Variants in SPTBN1 observed in about 807,000 individuals in gnomAD.
SPTBN1 encodes the protein spectrin beta, non-erythrocytic 1.
SPTBN1 carries 32 observed loss-of-function variants against 266.4 expected under a neutral mutation model. That is an observed-to-expected ratio of 0.12 (90% CI 0.09 to 0.16). The LOEUF is 0.16. SPTBN1 is among the 10% of genes least tolerant of loss of function. The pLI, the probability that SPTBN1 is intolerant of heterozygous loss-of-function variation, is 1.00. For missense variants in SPTBN1, 2,296 were observed against 3,067.1 expected (o/e 0.75, Z 5.94); for synonymous variants, 1,336 against 1,162.2 (o/e 1.15, Z -3.04).
intron 2 of SPTBN1, among the ~76,000 whole-genome samples, chr2:54,532,164 C>T (rs111604131): frequency 6.6e-6 from 1 of 152,002 alleles, no homozygotes; most frequent in Non-Finnish European, 1.5e-5. Context: ...TGGCGGGCGC[C>T]TATAATCCCA....
chr2:54,585,519 C>T (rs1675232529), intron 2 of SPTBN1, among the ~76,000 whole-genome samples: 1 of 152,156 alleles, frequency 6.6e-6, no homozygotes, highest in African/African-American at 2.4e-5. Flanking sequence ...TCTTGTATAA[C>T]CATTTTATGT....
At chr2:54,541,291 TG>T (rs1391729805) in intron 2 of SPTBN1, among the ~76,000 whole-genome samples, 1 of 152,246 alleles carries the variant, frequency 6.6e-6, no homozygotes, top group African/African-American at 2.4e-5. Context: ...GCATTTGCCC[TG>T]GGCCCCTATA....
intron 31 of SPTBN1, 29 bp from the exon 32 acceptor site, chr2:54,659,907 C>T (rs778484232): frequency 6.8e-6 from 11 of 1,608,132 alleles, no homozygotes; most frequent in Non-Finnish European, 9.4e-6. Flanking sequence ...CTTCCTTTCC[C>T]TTCCTCCTTT....
At chr2:54,602,679 A>G (rs572647011) in intron 3 of SPTBN1, among the ~76,000 whole-genome samples, 52 of 152,076 alleles carry the variant, frequency 3.4e-4, no homozygotes, top group African/African-American at 1.2e-3. Context: ...CTGTCTTCTT[A>G]CTCCATCAGT....
At chr2:54,460,221 C>T (rs1693290155) in intron 1 of SPTBN1, among the ~76,000 whole-genome samples, 1 of 152,186 alleles carries the variant, frequency 6.6e-6, no homozygotes, top group African/African-American at 2.4e-5. Flanking sequence ...CTATTCTGTT[C>T]CTTCAGCAAA....
At chr2:54,556,238 A>G (rs1055503951) in intron 2 of SPTBN1, among the ~76,000 whole-genome samples, 1 of 152,084 alleles carries the variant, frequency 6.6e-6, no homozygotes, top group African/African-American at 2.4e-5. Flanking sequence ...ATGGATTCCC[A>G]TTTCTTACTT....
At chr2:54,617,370 C>A (rs1677675491) in intron 5 of SPTBN1, among the ~76,000 whole-genome samples, 1 of 152,218 alleles carries the variant, frequency 6.6e-6, no homozygotes, top group Non-Finnish European at 1.5e-5. Context: ...ACACAGTTCA[C>A]ATCTTTTGTG....
At chr2:54,460,064 G>A (rs762467085) in intron 1 of SPTBN1, among the ~76,000 whole-genome samples, 5 of 152,146 alleles carry the variant, frequency 3.3e-5, no homozygotes, top group Non-Finnish European at 7.3e-5. Flanking sequence ...TGCTATCATA[G>A]TGAGGTTCAC....
At chr2:54,543,110 G>A (rs62134670) in intron 2 of SPTBN1, among the ~76,000 whole-genome samples, 19,339 of 152,178 alleles carry the variant, frequency 0.13, 1,375 homozygotes, top group Middle Eastern at 0.23. Flanking sequence ...TGTCCATCTC[G>A]GGGCTGATGC....
Position 54,653,991 on chromosome 2 carries a change from G to T in SPTBN1, c.5822+138G>T. 1 of 1,311,134 alleles carries T rather than the reference G, an allele frequency of 7.6e-7. No individual in the cohort carries two copies. 81.2% of individuals were successfully genotyped at this position (1,311,134 alleles called of 1,614,324 possible). A position where few individuals can be genotyped will look rare whatever the true frequency, so the allele number is the denominator to read the frequency against. ...CCAGAGTGGGGGTGGGGCGGTGCTT[G>T]GAGTGCGGCACCACTGCTTGCCTCG... is the stretch of plus-strand genomic sequence containing the variant. On this transcript the variant is annotated intron_variant, in intron 27 of 35. Coordinates refer to ENST00000356805, the MANE Select transcript of SPTBN1 (RefSeq NM_003128.3). The surrounding 1 kb of genome is among the most constrained non-coding windows in gnomAD (Gnocchi z 5.1).
rs1309003898 is a variant in SPTBN1, at chr2:54,671,071, A to G, written c.*2502A>G. On this transcript the variant is annotated 3_prime_UTR_variant, in exon 36 of 36. Coordinates refer to ENST00000356805, the MANE Select transcript of SPTBN1 (RefSeq NM_003128.3). ...TCAGTGATACAATATGGGTGACAAT[A>G]CTGGCCCCTCCATAAATCTGAAGAG... The G allele has an allele frequency of 2.9e-6, 1 of 347,680 alleles. No individual in the cohort carries two copies. Among genetic ancestry groups the G allele is most frequent in the Non-Finnish European group, 5.1e-6 (1 of 194,546 alleles). 21.5% of individuals were successfully genotyped at this position (347,680 alleles called of 1,614,324 possible). A position where few individuals can be genotyped will look rare whatever the true frequency, so the allele number is the denominator to read the frequency against.
At chr2:54,555,304 T>A (rs1472897066) in intron 2 of SPTBN1, among the ~76,000 whole-genome samples, 2 of 152,138 alleles carry the variant, frequency 1.3e-5, no homozygotes, top group Non-Finnish European at 2.9e-5. Flanking sequence ...CCCTGACTGC[T>A]CCAGACATGT....
intron 1 of SPTBN1, among the ~76,000 whole-genome samples, chr2:54,495,679 T>TTTTTTTTTTTTTTTTTTTTTTTTACTC (rs1279259203): frequency 2.1e-5 from 3 of 142,988 alleles, no homozygotes; most frequent in Admixed American, 7.1e-5. Flanking sequence ...GCATGTGTTT[T>TTTTTTTTTTTTTTTTTTTTTTTTACTC]TACCTTTATT....
Position 54,668,490 on chromosome 2 carries a change from A to T in SPTBN1, c.7016A>T (p.Glu2339Val). The change falls in exon 36 of 36, where the codon GAG becomes GTG. Residue 2339 changes from glutamate (E) to valine (V), a missense_variant. Transcript: ENST00000356805. ...ACCAGCGTCGTCACCATCACCAGCG[A>T]GTCCAGTCCCGGCAAGCGGGAAAAG... ...LPTSVVTITS[E>V]SSPGKREKDK... The T allele has an allele frequency of 6.2e-7, 1 of 1,614,232 alleles. No homozygotes were observed. The highest frequency in any genetic ancestry group is 8.5e-7 in the Non-Finnish European group (1 of 1,180,038).
Position 54,558,488 on chromosome 2 carries a change from T to G in SPTBN1, c.148+31922T>G, listed in dbSNP as rs1673035550. ...AAAGTTCTGAAGTAGAACCTGCGCC[T>G]CCTCTCTGCTTCTCCCTCCTCCTCA... On this transcript the variant is annotated intron_variant, in intron 2 of 35. Coordinates refer to ENST00000356805, the MANE Select transcript of SPTBN1 (RefSeq NM_003128.3). This position sits in a 1 kb window ranked among gnomAD's most constrained non-coding sequence, Gnocchi z 4.6. The G allele has an allele frequency of 8.7e-7, 1 of 1,145,928 alleles. No individual in the cohort carries two copies. Among genetic ancestry groups the G allele is most frequent in the Admixed American group, 4.8e-5 (1 of 20,728 alleles). The allele number at this position is 1,145,928 out of a possible 1,614,324, so 71.0% of individuals were successfully genotyped here. A position where few individuals can be genotyped will look rare whatever the true frequency, so the allele number is the denominator to read the frequency against.
chr2:54,587,971 A>AGT (rs568945292), intron 2 of SPTBN1, among the ~76,000 whole-genome samples: 33 of 152,202 alleles, frequency 2.2e-4, no homozygotes, highest in Non-Finnish European at 4.6e-4. Flanking sequence ...AATAGTACCC[A>AGT]GTGTGGTGCC....
intron 2 of SPTBN1, among the ~76,000 whole-genome samples, chr2:54,538,314 T>G (rs1671734143): frequency 6.6e-6 from 1 of 152,220 alleles, no homozygotes; most frequent in South Asian, 2.1e-4. Flanking sequence ...ATCCCAAGCT[T>G]GCATCTTTGG....
At chr2:54,586,446 T>C (rs1251868582) in intron 2 of SPTBN1, among the ~76,000 whole-genome samples, 1 of 152,266 alleles carries the variant, frequency 6.6e-6, no homozygotes, top group Non-Finnish European at 1.5e-5. Context: ...GTCATAATTC[T>C]ATAGTTTCAA....
intron 29 of SPTBN1, 60 bp from the exon 30 acceptor site, chr2:54,657,790 G>C: frequency 6.2e-7 from 1 of 1,605,620 alleles, no homozygotes; most frequent in Admixed American, 1.7e-5. Context: ...AAGAGGTAAG[G>C]CCATATGACT....
Sources: gnomAD v4.1 joint callset for allele counts (sites outside exome capture counted in the v4.1 genomes callset) on GRCh38, gnomAD v4.1.1 for gene constraint, Gnocchi (gnomAD v3.1) non-coding constraint, MANE v1.5 for transcripts, NCBI Gene and HGNC (gene_info 2026-07-23, HGNC 2026-07-21) for gene names.